DAB1: variants seen among roughly 807,000 people sequenced by gnomAD.
DAB1 encodes the protein disabled homolog 1.
In DAB1, 15 loss-of-function variants were observed where a neutral mutation model predicts 64.6. The ratio of observed to expected loss-of-function variants is 0.23; its 90% CI spans 0.16 to 0.36. The LOEUF (loss-of-function observed/expected upper bound fraction) is 0.36, where lower values mean the gene tolerates loss of function less well. Ranked by LOEUF, DAB1 falls within the 10% of genes least tolerant of loss-of-function variation. DAB1 has a pLI of 1.00. For synonymous variants in DAB1, 235 were observed against 251.9 expected (o/e 0.93, Z 0.64); for missense variants, 596 against 706.7 (o/e 0.84, Z 1.78).
At chr1:57,441,768 T>C (rs931239327) in intron 7 of DAB1, among the ~76,000 whole-genome samples, 1 of 152,232 alleles carries the variant, frequency 6.6e-6, no homozygotes, top group Non-Finnish European at 1.5e-5. Context: ...AGGTGTCTTT[T>C]TGGTAGAACA....
intron 5 of DAB1, among the ~76,000 whole-genome samples, chr1:58,028,502 C>A (rs1261427785): frequency 6.6e-6 from 1 of 152,070 alleles, no homozygotes; most frequent in African/African-American, 2.4e-5. Flanking sequence ...GTCTAGCGGC[C>A]ATGTTAAACA....
chr1:57,720,714 T>C (rs1328816617), intron 6 of DAB1, among the ~76,000 whole-genome samples: 1 of 152,202 alleles, frequency 6.6e-6, no homozygotes. Context: ...AGGAGGTTTA[T>C]TTATTTATTT....
intron 2 of DAB1, among the ~76,000 whole-genome samples, chr1:57,224,655 T>A (rs957852472): frequency 2.0e-5 from 3 of 152,212 alleles, no homozygotes; most frequent in African/African-American, 7.2e-5. Context: ...TCATCCTGGT[T>A]AACGTAATCA....
chr1:58,068,118 G>A (rs1245162086), intron 5 of DAB1, among the ~76,000 whole-genome samples: 2 of 152,208 alleles, frequency 1.3e-5, no homozygotes, highest in East Asian at 3.9e-4. Flanking sequence ...TAAAATTCAG[G>A]GAAGGCTCAC....
intron 4 of DAB1, among the ~76,000 whole-genome samples, chr1:58,306,089 T>C (rs1662302325): frequency 6.7e-6 from 1 of 148,864 alleles, no homozygotes; most frequent in South Asian, 2.1e-4. Flanking sequence ...GGTGATGAGG[T>C]GGGAAAAGAG....
intron 3 of DAB1, among the ~76,000 whole-genome samples, chr1:58,396,867 C>T (rs1205977332): frequency 6.6e-6 from 1 of 152,030 alleles, no homozygotes; most frequent in Non-Finnish European, 1.5e-5. Flanking sequence ...TCAAGACCAT[C>T]CTGGCTAACA....
chr1:58,263,439 C>T (rs1428709576), intron 4 of DAB1, among the ~76,000 whole-genome samples: 5 of 152,174 alleles, frequency 3.3e-5, no homozygotes, highest in Non-Finnish European at 5.9e-5. Flanking sequence ...CATCTCAGGG[C>T]AAAAAGGGGC....
intron 14 of DAB1, among the ~76,000 whole-genome samples, chr1:57,000,674 G>T (rs1453355272): frequency 6.6e-6 from 1 of 152,058 alleles, no homozygotes; most frequent in African/African-American, 2.4e-5. Context: ...ACAACTACTG[G>T]GGAAAAATAT....
At chr1:57,405,543 G>T (rs892792569) in intron 1 of DAB1, among the ~76,000 whole-genome samples, 20 of 152,130 alleles carry the variant, frequency 1.3e-4, no homozygotes, top group African/African-American at 4.8e-4. Context: ...AATATTTTTT[G>T]TTTTACCTAA....
intron 6 of DAB1, among the ~76,000 whole-genome samples, chr1:57,796,885 G>A (rs947753557): frequency 3.3e-5 from 5 of 152,098 alleles, no homozygotes; most frequent in African/African-American, 1.2e-4. Context: ...CCTGCATCCG[G>A]TTCACTGACC....
chr1:58,348,491 G>A (rs762922300), intron 3 of DAB1, among the ~76,000 whole-genome samples: 1 of 152,110 alleles, frequency 6.6e-6, no homozygotes, highest in Non-Finnish European at 1.5e-5. Flanking sequence ...GATGCTCTAT[G>A]TTTAAGACTC....
intron 5 of DAB1, among the ~76,000 whole-genome samples, chr1:58,135,077 G>A (rs778503043): frequency 6.6e-5 from 10 of 152,252 alleles, no homozygotes; most frequent in Non-Finnish European, 1.2e-4. Context: ...TAGCCTCTAA[G>A]TCTCATTTTT....
chr1:58,414,778 TA>T (rs1026095255), intron 3 of DAB1, among the ~76,000 whole-genome samples: 35 of 149,438 alleles, frequency 2.3e-4, no homozygotes, highest in Admixed American at 1.9e-3. Context: ...GCAAAAAAAT[TA>T]AAAAAAAATA....
At chr1:57,165,709 A>G (rs1225888339) in intron 2 of DAB1, among the ~76,000 whole-genome samples, 1 of 152,262 alleles carries the variant, frequency 6.6e-6, no homozygotes, top group Non-Finnish European at 1.5e-5. Flanking sequence ...AAACTTGCCC[A>G]GAGTTCACAT....
chr1:57,600,079 C>T, intron 7 of DAB1, among the ~76,000 whole-genome samples: 1 of 152,142 alleles, frequency 6.6e-6, no homozygotes, highest in East Asian at 1.9e-4. Flanking sequence ...CACCTCACCC[C>T]ATCACCAGGC....
intron 3 of DAB1, among the ~76,000 whole-genome samples, chr1:58,415,163 C>G (rs1644707780): frequency 6.6e-6 from 1 of 152,120 alleles, no homozygotes; most frequent in African/African-American, 2.4e-5. Context: ...CTCTCTCTCT[C>G]TGAATGCATG....
At chr1:57,605,017 C>T (rs1645619824) in intron 7 of DAB1, among the ~76,000 whole-genome samples, 1 of 151,834 alleles carries the variant, frequency 6.6e-6, no homozygotes, top group South Asian at 2.1e-4. Flanking sequence ...ATAAGAATTG[C>T]CATAAAGAAT....
rs773535762 is a variant in DAB1 at position 57,023,607 on chromosome 1, T to C, written c.819A>G (p.Pro273=). The C allele has an allele frequency of 8.7e-6, 14 of 1,612,550 alleles. No homozygotes were observed. Among genetic ancestry groups the C allele is most frequent in the South Asian group, 1.1e-5 (1 of 90,392 alleles). ...TCGCTGGAAGGGTCTGAGATGAAGATGGGATAAAGGCATCACCTGGAGTTG... is the reference window on the plus strand; with the variant it reads ...TCGCTGGAAGGGTCTGAGATGAAGACGGGATAAAGGCATCACCTGGAGTTG... ...TPATPGDAFI[P]SSSQTLPASA... Residue 273 remains proline, a synonymous_variant, in exon 11 of 15, where the codon CCA becomes CCG. Transcript: ENST00000371236.
At chr1:57,608,072 C>T (rs115585161) in intron 7 of DAB1, among the ~76,000 whole-genome samples, 32 of 152,296 alleles carry the variant, frequency 2.1e-4, no homozygotes, top group African/African-American at 3.6e-4. Context: ...CAGGCATGCA[C>T]ATACCCAGAA....
Sources: gnomAD v4.1 joint callset for allele counts (sites outside exome capture counted in the v4.1 genomes callset) on GRCh38, gnomAD v4.1.1 for gene constraint, MANE v1.5 for transcripts, NCBI Gene and HGNC (gene_info 2026-07-23, HGNC 2026-07-21) for gene names.